EML4: variants seen among roughly 807,000 people sequenced by gnomAD.
EML4 encodes the protein EMAP like 4, also known as echinoderm microtubule-associated protein-like 4.
EML4 carries 72 observed loss-of-function variants against 129.0 expected under a neutral mutation model. The ratio of observed to expected loss-of-function variants is 0.56; its 90% CI spans 0.46 to 0.68. The LOEUF is 0.68. EML4 is among the 30% of genes least tolerant of loss of function. The pLI, the probability that EML4 is intolerant of heterozygous loss-of-function variation, is 0.00. For missense variants in EML4, 1,363 were observed against 1,190.6 expected, an observed-to-expected ratio of 1.14 and a Z score of -2.13; for synonymous variants, 532 against 405.0, an observed-to-expected ratio of 1.31 and a Z score of -3.77.
At chr2:42,318,304 GT>G (rs2103797505) in intron 19 of EML4, among the ~76,000 whole-genome samples, 1 of 152,312 alleles carries the variant, frequency 6.6e-6, no homozygotes, top group African/African-American at 2.4e-5. Flanking sequence ...AAAAGAATTA[GT>G]TTTTAGAAGC....
chr2:42,234,098 C>T (rs570808111), intron 1 of EML4, among the ~76,000 whole-genome samples: 2 of 152,228 alleles, frequency 1.3e-5, no homozygotes, highest in African/African-American at 4.8e-5. Context: ...CTGTATCCTG[C>T]CTGCTTTTGC....
At chr2:42,302,254 T>A (rs1208625887) in intron 14 of EML4, among the ~76,000 whole-genome samples, 1 of 152,146 alleles carries the variant, frequency 6.6e-6, no homozygotes, top group African/African-American at 2.4e-5. Context: ...TGGGATACAA[T>A]CTGATGTTTT....
At chr2:42,293,287 A>G (rs1052159327) in intron 11 of EML4, among the ~76,000 whole-genome samples, 1 of 151,844 alleles carries the variant, frequency 6.6e-6, no homozygotes, top group Non-Finnish European at 1.5e-5. Flanking sequence ...TACTTTTTGT[A>G]GAGACAGGTC....
chr2:42,247,227 C>G (rs1010339735), intron 2 of EML4, among the ~76,000 whole-genome samples: 2 of 152,066 alleles, frequency 1.3e-5, no homozygotes, highest in African/African-American at 4.8e-5. Context: ...CTTTGAGAAC[C>G]ACAACTTCTA....
At chr2:42,279,418 A>T (rs1355122629) in intron 6 of EML4, among the ~76,000 whole-genome samples, 4 of 150,670 alleles carry the variant, frequency 2.7e-5, no homozygotes, top group South Asian at 2.1e-4. Flanking sequence ...CCAGCAGTGT[A>T]CAAGGGTCCC....
At chr2:42,181,035 G>T (rs2103839331) in intron 1 of EML4, among the ~76,000 whole-genome samples, 1 of 152,304 alleles carries the variant, frequency 6.6e-6, no homozygotes, top group East Asian at 1.9e-4. Context: ...TTGTCTCATT[G>T]CATCCTATTA....
At chr2:42,208,408 A>G (rs992713089) in intron 1 of EML4, among the ~76,000 whole-genome samples, 5 of 150,902 alleles carry the variant, frequency 3.3e-5, no homozygotes. Context: ...GATTTATTTT[A>G]GAAACCTACT....
intron 1 of EML4, among the ~76,000 whole-genome samples, chr2:42,215,635 T>C (rs1673140289): frequency 6.6e-6 from 1 of 152,206 alleles, no homozygotes; most frequent in South Asian, 2.1e-4. Flanking sequence ...GGTTACCATA[T>C]ATCTATCTGT....
chr2:42,304,630 TG>T, intron 17 of EML4, 79 bp downstream of exon 17: 1 of 1,076,986 alleles, frequency 9.3e-7, no homozygotes, highest in African/African-American at 1.6e-5. Flanking sequence ...CAATCTGATC[TG>T]GAGAATTAAT....
chr2:42,236,144 T>C (rs1674660882), intron 1 of EML4, among the ~76,000 whole-genome samples: 1 of 152,240 alleles, frequency 6.6e-6, no homozygotes, highest in African/African-American at 2.4e-5. Flanking sequence ...GTAGTTTTAT[T>C]CTAAACATTG....
rs1670137433 is a variant in EML4 at position 42,169,648 on chromosome 2, T to G, written c.25+12T>G. On this transcript the variant is annotated intron_variant, in intron 1 of 22. Coordinates refer to ENST00000318522, the MANE Select transcript of EML4 (RefSeq NM_019063.5). ...CGCCGGCAGTCTCGGTGAGTACGGC[T>G]GGGGAGTCCTGCGTCTTCTGCGAAG... 1.9e-6 allele frequency: 3 copies of G among 1,601,262 alleles called. No individual in the cohort carries two copies. Among genetic ancestry groups the G allele is most frequent in the Non-Finnish European group, 2.6e-6 (3 of 1,174,234 alleles).
chr2:42,170,868 A>G (rs1193222924), intron 1 of EML4, among the ~76,000 whole-genome samples: 1 of 152,256 alleles, frequency 6.6e-6, no homozygotes, highest in Admixed American at 6.5e-5. Context: ...GATAATATCG[A>G]GATGAGATGG....
rs1007843421 is a variant in EML4, at chr2:42,284,272, G to A, written c.942-362G>A. 2.0e-5 allele frequency among the ~76,000 whole-genome samples: 3 copies of A among 152,314 alleles called. No homozygotes were observed. The East Asian group carries it at 5.8e-4, about 29-fold the overall frequency. On this transcript the variant is annotated intron_variant, in intron 8 of 22. Transcript: ENST00000318522. ...AGGAAAAAATGCTTGTACTTTAATA[G>A]ATTAAAATTAAACAGCACAATATTG...
rs978217056 is a variant in EML4 at position 42,216,178 on chromosome 2, C to G, written c.26-29327C>G. Among the ~76,000 whole-genome samples, 9 of 150,448 alleles carry G rather than the reference C, an allele frequency of 6.0e-5. 1 individual carries two copies. The highest frequency in any genetic ancestry group is 6.0e-4 in the Admixed American group (9 of 15,062). On this transcript the variant is annotated intron_variant, in intron 1 of 22. Coordinates refer to ENST00000318522, the MANE Select transcript of EML4 (RefSeq NM_019063.5). ...CAGGTGATCTGCCTGCCTCGGCGTC[C>G]CAAACCAAAGTGCTGGGATTACAAG...
intron 6 of EML4, among the ~76,000 whole-genome samples, chr2:42,266,659 T>C (rs1666083331): frequency 6.6e-6 from 1 of 152,086 alleles, no homozygotes; most frequent in African/African-American, 2.4e-5. Flanking sequence ...ACTTTTTTTT[T>C]TTTTTTTAAA....
chr2:42,207,849 T>C (rs1319315517), intron 1 of EML4: 1 of 152,206 alleles, frequency 6.6e-6, no homozygotes, highest in Non-Finnish European at 1.5e-5. Context: ...ATTTCCTAAT[T>C]GTTCTGTGTT....
At chr2:42,256,165 G>T (rs151262157) in intron 2 of EML4, among the ~76,000 whole-genome samples, 1 of 152,108 alleles carries the variant, frequency 6.6e-6, no homozygotes, top group Non-Finnish European at 1.5e-5. Context: ...AAGACTGATG[G>T]CATGGGATTT....
intron 1 of EML4, among the ~76,000 whole-genome samples, chr2:42,227,661 C>T (rs983487540): frequency 6.6e-6 from 1 of 152,164 alleles, no homozygotes; most frequent in African/African-American, 2.4e-5. Flanking sequence ...CTGCCTCTGC[C>T]ACCCCTAAGG....
At chr2:42,217,394 TA>T (rs901965713) in intron 1 of EML4, among the ~76,000 whole-genome samples, 4 of 152,032 alleles carry the variant, frequency 2.6e-5, no homozygotes, top group Non-Finnish European at 5.9e-5. Flanking sequence ...ACCTTTACTG[TA>T]AAAAAAATTC....
Sources: allele counts gnomAD v4.1 joint callset (sites outside exome capture counted in the v4.1 genomes callset), GRCh38; gene constraint gnomAD v4.1.1; transcripts MANE v1.5; gene names NCBI Gene and HGNC (gene_info 2026-07-23, HGNC 2026-07-21).